The following CASD1 variants were observed in gnomAD, a reference collection of about 807,000 sequenced individuals.
CASD1 encodes the protein CAS1 domain sialic acid O acetyltransferase 1, also known as N-acetylneuraminate (7)9-O-acetyltransferase.
CASD1 carries 41 observed loss-of-function variants against 100.0 expected under a neutral mutation model. The ratio of observed to expected loss-of-function variants is 0.41; its 90% CI spans 0.32 to 0.53. The LOEUF (loss-of-function observed/expected upper bound fraction) is 0.53, where lower values mean the gene tolerates loss of function less well. CASD1 is among the 20% of genes least tolerant of loss of function. The pLI, the probability that CASD1 is intolerant of heterozygous loss-of-function variation, is 0.25. For synonymous variants in CASD1, 321 were observed against 315.6 expected, an observed-to-expected ratio of 1.02 and a Z score of -0.18; for missense variants, 774 against 948.7, an observed-to-expected ratio of 0.82 and a Z score of 2.42.
At chr7:94,563,495 G>A in the CASD1 span, among the ~76,000 whole-genome samples, 1 of 151,844 alleles carries the variant, frequency 6.6e-6, no homozygotes, top group African/African-American at 2.4e-5. Context: ...CAACTTAAGG[G>A]CTTGTCTTTT....
the CASD1 span, chr7:94,598,522 T>G: frequency 2.2e-6 from 1 of 456,230 alleles, no homozygotes; most frequent in Non-Finnish European, 3.9e-6. Context: ...GAGTTTAATA[T>G]CAGTGTCAAT....
the CASD1 span, chr7:94,627,213 A>T: frequency 6.6e-6 from 1 of 152,028 alleles, no homozygotes; most frequent in Admixed American, 6.6e-5. Flanking sequence ...GCTGACTAAA[A>T]CTTTGGAGAA....
chr7:94,633,100 C>G, the CASD1 span, among the ~76,000 whole-genome samples: 1 of 152,010 alleles, frequency 6.6e-6, no homozygotes, highest in Non-Finnish European at 1.5e-5. Context: ...GCCAAGGTAA[C>G]AGGGTCTGGC....
intron 1 of CASD1, among the ~76,000 whole-genome samples, chr7:94,512,728 C>CT (rs778455203): frequency 7.2e-5 from 11 of 152,172 alleles, no homozygotes; most frequent in African/African-American, 1.2e-4. Flanking sequence ...CAGGGTGAGT[C>CT]TTTAAAACTT....
chr7:94,623,982 A>G, the CASD1 span: 1 of 386,070 alleles, frequency 2.6e-6, no homozygotes. Context: ...CAATCCCTTC[A>G]TACGGGCAAA....
At chr7:94,606,108 C>T in the CASD1 span, among the ~76,000 whole-genome samples, 5 of 152,100 alleles carry the variant, frequency 3.3e-5, no homozygotes, top group African/African-American at 9.7e-5. Flanking sequence ...GGATTACAGG[C>T]GTGAGCTACC....
chr7:94,623,748 C>T, the CASD1 span: 1 of 390,904 alleles, frequency 2.6e-6, no homozygotes, highest in Admixed American at 4.4e-5. Context: ...AAAAAAAAAA[C>T]AATAATTTTT....
chr7:94,570,911 T>A, the CASD1 span, among the ~76,000 whole-genome samples: 1 of 152,194 alleles, frequency 6.6e-6, no homozygotes, highest in Admixed American at 6.5e-5. Context: ...CTTTATTTCT[T>A]TATATGGCTT....
At chr7:94,576,543 C>T in the CASD1 span, among the ~76,000 whole-genome samples, 1 of 152,158 alleles carries the variant, frequency 6.6e-6, no homozygotes, top group African/African-American at 2.4e-5. Flanking sequence ...ATGATGAATG[C>T]CTGGTTTTGC....
chr7:94,570,387 A>C, the CASD1 span, among the ~76,000 whole-genome samples: 1 of 152,176 alleles, frequency 6.6e-6, no homozygotes, highest in Non-Finnish European at 1.5e-5. Context: ...GCAATAGCAT[A>C]CAAAATCTCT....
At chr7:94,573,209 CT>C in the CASD1 span, among the ~76,000 whole-genome samples, 1 of 152,174 alleles carries the variant, frequency 6.6e-6, no homozygotes, top group East Asian at 1.9e-4. Flanking sequence ...GCTATTCAGG[CT>C]CTTTTTTGGT....
chr7:94,634,089 T>C, the CASD1 span, among the ~76,000 whole-genome samples: 1 of 152,174 alleles, frequency 6.6e-6, no homozygotes, highest in Non-Finnish European at 1.5e-5. Flanking sequence ...AATATTTATG[T>C]CCGGGTGACT....
At chr7:94,591,979 G>A in the CASD1 span, among the ~76,000 whole-genome samples, 11 of 152,240 alleles carry the variant, frequency 7.2e-5, no homozygotes, top group African/African-American at 2.6e-4. Flanking sequence ...ACTTAGATGA[G>A]TTATATTAAA....
At position 94,510,018 on chromosome 7, in the gene CASD1, C is replaced by T; in HGVS notation, c.-67C>T. On this transcript the variant is annotated 5_prime_UTR_variant, in exon 1 of 18. Coordinates refer to ENST00000297273, the MANE Select transcript of CASD1 (RefSeq NM_022900.5). The stretch of plus-strand genomic sequence containing the variant: ...TCGCCTGGCTGCAGCGGCGGCAGCC[C>T]CAGTGCTGCCCCTGTGCGGCGCCCC... The T allele has an allele frequency of 7.2e-7, 1 of 1,384,954 alleles. No individual in the cohort carries two copies. The highest frequency in any genetic ancestry group is 9.5e-7 in the Non-Finnish European group (1 of 1,053,886). The allele number at this position is 1,384,954 out of a possible 1,614,324, so 85.8% of individuals were successfully genotyped here. A position where few individuals can be genotyped will look rare whatever the true frequency, so the allele number is the denominator to read the frequency against.
intron 5 of CASD1, among the ~76,000 whole-genome samples, chr7:94,529,064 G>A (rs1794720952): frequency 6.6e-6 from 1 of 151,904 alleles, no homozygotes; most frequent in African/African-American, 2.4e-5. Flanking sequence ...GTTTCTTTGA[G>A]CAAATGTTTT....
At chr7:94,534,991 T>A (rs945598948) in intron 7 of CASD1, among the ~76,000 whole-genome samples, 2 of 152,212 alleles carry the variant, frequency 1.3e-5, no homozygotes, top group African/African-American at 4.8e-5. Flanking sequence ...TTACCTGTTA[T>A]AACTCAGCAT....
At chr7:94,545,421 T>C (rs1795627042) in intron 11 of CASD1, 124 bp from the exon 12 acceptor site, 1 of 621,050 alleles carries the variant, frequency 1.6e-6, no homozygotes. Flanking sequence ...TATATACTTG[T>C]ACAGTCATTA....
chr7:94,563,759 T>G, the CASD1 span, among the ~76,000 whole-genome samples: 10 of 152,106 alleles, frequency 6.6e-5, no homozygotes, highest in African/African-American at 2.4e-4. Context: ...TGGAATGTGT[T>G]GCCCCCAGAA....
the CASD1 span, among the ~76,000 whole-genome samples, chr7:94,584,210 G>C: frequency 5.9e-5 from 9 of 152,098 alleles, no homozygotes; most frequent in Non-Finnish European, 8.8e-5. Flanking sequence ...CTTTATTCCT[G>C]CTCACTTGGA....
Sources: gnomAD v4.1 joint callset for allele counts (sites outside exome capture counted in the v4.1 genomes callset) on GRCh38, gnomAD v4.1.1 for gene constraint, MANE v1.5 for transcripts, NCBI Gene and HGNC (gene_info 2026-07-23, HGNC 2026-07-21) for gene names.